Variants in SGCZ observed in about 807,000 individuals in gnomAD.
The protein encoded by SGCZ is sarcoglycan zeta.
A neutral mutation model predicts 41.3 loss-of-function variants in SGCZ; 40 were observed. That is an observed-to-expected ratio of 0.97 (90% CI 0.75 to 1.26). The LOEUF (loss-of-function observed/expected upper bound fraction) is 1.26. Ranked by LOEUF, SGCZ falls within the 50% of genes most tolerant of loss-of-function variation. The probability of loss-of-function intolerance (pLI) is 0.00; values close to 1 mark genes in which losing one functional copy is unlikely to be tolerated. For synonymous variants in SGCZ, 206 were observed against 137.5 expected, an observed-to-expected ratio of 1.50 and a Z score of -3.49; for missense variants, 552 against 369.8, an observed-to-expected ratio of 1.49 and a Z score of -4.04.
intron 1 of SGCZ, among the ~76,000 whole-genome samples, chr8:14,675,264 CA>C (rs1167501568): frequency 1.3e-5 from 2 of 151,744 alleles, no homozygotes; most frequent in African/African-American, 4.8e-5. Flanking sequence ...ATAAATTACC[CA>C]GTCTCAGGTA....
At chr8:15,217,469 T>C (rs1392182778) in intron 1 of SGCZ, among the ~76,000 whole-genome samples, 4 of 151,050 alleles carry the variant, frequency 2.6e-5, no homozygotes, top group Middle Eastern at 3.4e-3. Context: ...TTTTTTTTTT[T>C]CCTGAAATTT....
At chr8:14,388,685 T>G (rs1804658200) in intron 2 of SGCZ, among the ~76,000 whole-genome samples, 1 of 152,000 alleles carries the variant, frequency 6.6e-6, no homozygotes, top group Non-Finnish European at 1.5e-5. Flanking sequence ...AGTCAAAGAA[T>G]GGGTGGCAAA....
intron 1 of SGCZ, among the ~76,000 whole-genome samples, chr8:15,062,149 C>T (rs1393894075): frequency 6.6e-6 from 1 of 152,102 alleles, no homozygotes; most frequent in Non-Finnish European, 1.5e-5. Flanking sequence ...CATATGTGAT[C>T]ATTTCACCCC....
At chr8:14,117,760 G>C (rs1259844612) in intron 5 of SGCZ, among the ~76,000 whole-genome samples, 2 of 151,052 alleles carry the variant, frequency 1.3e-5, no homozygotes, top group Non-Finnish European at 2.9e-5. Context: ...ATAGGCCCCA[G>C]TGTGTGATGT....
At chr8:14,848,973 C>T (rs945902298) in intron 1 of SGCZ, among the ~76,000 whole-genome samples, 4 of 152,050 alleles carry the variant, frequency 2.6e-5, no homozygotes, top group Non-Finnish European at 5.9e-5. Context: ...GCTGTCAAAA[C>T]ACAATAATAA....
chr8:15,234,963 T>C (rs1802076027), intron 1 of SGCZ, among the ~76,000 whole-genome samples: 1 of 152,222 alleles, frequency 6.6e-6, no homozygotes, highest in African/African-American at 2.4e-5. Flanking sequence ...AAACATTTTT[T>C]GTATATTTAA....
At chr8:14,530,960 C>G (rs572788549) in intron 2 of SGCZ, among the ~76,000 whole-genome samples, 5 of 152,038 alleles carry the variant, frequency 3.3e-5, no homozygotes, top group Non-Finnish European at 5.9e-5. Context: ...AGGAGGCAGA[C>G]AAGTTCCCAG....
chr8:15,088,629 T>TA (rs1205274955), intron 1 of SGCZ, among the ~76,000 whole-genome samples: 2 of 151,158 alleles, frequency 1.3e-5, no homozygotes, highest in Non-Finnish European at 2.9e-5. Context: ...AGTTCCTCTC[T>TA]AAAAAAGAAT....
At chr8:14,512,657 G>C (rs1339257875) in intron 2 of SGCZ, among the ~76,000 whole-genome samples, 8 of 151,716 alleles carry the variant, frequency 5.3e-5, no homozygotes, top group African/African-American at 9.7e-5. Context: ...GTGGAGACTT[G>C]GTCCCATTAT....
intron 3 of SGCZ, among the ~76,000 whole-genome samples, chr8:14,300,768 T>C (rs1801159298): frequency 6.6e-6 from 1 of 152,004 alleles, no homozygotes; most frequent in African/African-American, 2.4e-5. Flanking sequence ...TACGTATGTC[T>C]TCTTTTGAGA....
intron 1 of SGCZ, among the ~76,000 whole-genome samples, chr8:14,678,692 T>C (rs1234095371): frequency 6.6e-6 from 1 of 152,196 alleles, no homozygotes; most frequent in Non-Finnish European, 1.5e-5. Context: ...ACGGTCTTCC[T>C]CAAAAGGAAT....
intron 1 of SGCZ, among the ~76,000 whole-genome samples, chr8:14,607,354 G>A (rs1246459123): frequency 1.3e-5 from 2 of 152,028 alleles, no homozygotes; most frequent in Non-Finnish European, 2.9e-5. Flanking sequence ...GATCATCACT[G>A]CTTAAATATA....
chr8:14,823,407 C>T (rs963027473), intron 1 of SGCZ, among the ~76,000 whole-genome samples: 1 of 151,954 alleles, frequency 6.6e-6, no homozygotes, highest in African/African-American at 2.4e-5. Context: ...ATTCAATTAA[C>T]AAATGGGCAA....
At chr8:14,701,154 A>G (rs11998116) in intron 1 of SGCZ, among the ~76,000 whole-genome samples, 50,456 of 151,632 alleles carry the variant, frequency 0.33, 9,524 homozygotes, top group African/African-American at 0.51. Context: ...ATAAAAGGGC[A>G]CTCTGAGAAA....
At chr8:14,158,577 C>G (rs1472521512) in intron 5 of SGCZ, among the ~76,000 whole-genome samples, 1 of 152,144 alleles carries the variant, frequency 6.6e-6, no homozygotes, top group Non-Finnish European at 1.5e-5. Flanking sequence ...ACAATATTCA[C>G]TATCACAGTG....
intron 1 of SGCZ, among the ~76,000 whole-genome samples, chr8:15,012,777 A>G (rs1802887214): frequency 1.3e-5 from 2 of 148,864 alleles, no homozygotes; most frequent in South Asian, 2.1e-4. Flanking sequence ...ATGTAGGTAT[A>G]TATTTATTTA....
At chr8:15,092,620 A>C (rs1462316437) in intron 1 of SGCZ, among the ~76,000 whole-genome samples, 1 of 152,234 alleles carries the variant, frequency 6.6e-6, no homozygotes, top group Admixed American at 6.5e-5. Flanking sequence ...CAGATGTAAG[A>C]GAAAACAACT....
At chr8:15,095,433 T>C (rs1347201937) in intron 1 of SGCZ, among the ~76,000 whole-genome samples, 3 of 152,214 alleles carry the variant, frequency 2.0e-5, no homozygotes, top group South Asian at 4.1e-4. Context: ...ATTTCATCTA[T>C]GCATTTCAGA....
chr8:14,431,311 C>A (rs186897802), intron 2 of SGCZ, among the ~76,000 whole-genome samples: 1 of 151,986 alleles, frequency 6.6e-6, no homozygotes, highest in Non-Finnish European at 1.5e-5. Context: ...CTTATTCACC[C>A]GAATAGCATG....
Sources: allele counts gnomAD v4.1 joint callset (sites outside exome capture counted in the v4.1 genomes callset), GRCh38; gene constraint gnomAD v4.1.1; transcripts MANE v1.5; gene names NCBI Gene and HGNC (gene_info 2026-07-23, HGNC 2026-07-21).